Variants in TARS3 observed in about 807,000 individuals in gnomAD.
The protein encoded by TARS3 is threonine--tRNA ligase 2, cytoplasmic.
Under a neutral mutation model 103.5 loss-of-function variants are expected in TARS3, and 94 were observed. The ratio of observed to expected loss-of-function variants is 0.91; its 90% CI spans 0.77 to 1.08. TARS3 has a LOEUF of 1.08. Ranked by LOEUF, TARS3 falls within the 50% of genes least tolerant of loss-of-function variation. The probability of loss-of-function intolerance (pLI) is 0.00; values close to 1 mark genes in which losing one functional copy is unlikely to be tolerated. For missense variants in TARS3, 952 were observed against 995.2 expected (o/e 0.96, Z 0.58); for synonymous variants, 416 against 355.4 (o/e 1.17, Z -1.92).
intron 16 of TARS3, among the ~76,000 whole-genome samples, chr15:101,659,162 G>T (rs1567321184): frequency 6.6e-6 from 1 of 152,208 alleles, no homozygotes; most frequent in Non-Finnish European, 1.5e-5. Context: ...GAATAAAAAA[G>T]ATGGCAGGGT....
At chr15:101,659,249 G>A (rs1897291476) in intron 16 of TARS3, among the ~76,000 whole-genome samples, 1 of 152,192 alleles carries the variant, frequency 6.6e-6, no homozygotes, top group Admixed American at 6.5e-5. Context: ...AAGGTGAAAG[G>A]ACATGCAAGG....
At chr15:101,688,443 T>A (rs1235806214) in intron 10 of TARS3, among the ~76,000 whole-genome samples, 1 of 152,102 alleles carries the variant, frequency 6.6e-6, no homozygotes. Context: ...ATCTGGAACA[T>A]TAAAAATCAT....
intron 12 of TARS3, among the ~76,000 whole-genome samples, chr15:101,683,053 ATCT>A (rs1898317855): frequency 6.6e-6 from 1 of 151,916 alleles, no homozygotes; most frequent in Admixed American, 6.5e-5. Flanking sequence ...AATTTTATTG[ATCT>A]TCTCAGAGAA....
intron 10 of TARS3, among the ~76,000 whole-genome samples, chr15:101,695,093 G>A (rs949594150): frequency 5.3e-5 from 8 of 152,104 alleles, no homozygotes; most frequent in Non-Finnish European, 1.2e-4. Flanking sequence ...TATATTATGT[G>A]TATTTTACCA....
intron 3 of TARS3, among the ~76,000 whole-genome samples, chr15:101,716,780 A>G (rs1278191307): frequency 2.0e-5 from 3 of 152,172 alleles, no homozygotes; most frequent in African/African-American, 7.2e-5. Flanking sequence ...TCCTACTAGC[A>G]GAGTTACAAG....
intron 15 of TARS3, among the ~76,000 whole-genome samples, chr15:101,669,460 T>C (rs1188662490): frequency 6.6e-6 from 1 of 152,174 alleles, no homozygotes; most frequent in Non-Finnish European, 1.5e-5. Flanking sequence ...ATGTACAGTG[T>C]TTATAATGTC....
intron 4 of TARS3, among the ~76,000 whole-genome samples, chr15:101,712,226 C>T (rs1899905697): frequency 6.6e-6 from 1 of 152,188 alleles, no homozygotes; most frequent in African/African-American, 2.4e-5. Context: ...CAGTGTGAAG[C>T]TGCTCTGCTG....
chr15:101,658,792 A>G (rs1292824480), intron 16 of TARS3, among the ~76,000 whole-genome samples: 1 of 152,028 alleles, frequency 6.6e-6, no homozygotes, highest in Non-Finnish European at 1.5e-5. Flanking sequence ...ACTTCTCTGT[A>G]TAACTTCTTT....
intron 17 of TARS3, 71 bp downstream of exon 17, chr15:101,657,714 A>T (rs1897240580): frequency 9.8e-7 from 1 of 1,021,064 alleles, no homozygotes; most frequent in East Asian, 2.7e-5. Flanking sequence ...AGCATGAAGG[A>T]CACTCCAAAT....
chr15:101,714,897 T>C lies in TARS3; in HGVS notation c.633A>G (p.Pro211=), dbSNP rs778067532. 3.3e-5 allele frequency: 54 copies of C among 1,612,982 alleles called. No individual in the cohort carries two copies. Among genetic ancestry groups the C allele is most frequent in the Middle Eastern group, 1.7e-4 (1 of 6,054 alleles). Residue 211 remains proline (P), a synonymous_variant, in exon 4 of 19, where the codon CCA becomes CCG. Transcript: ENST00000335968. ...GCTCTAGAGAAGAGTCCCCTTCCAATGGGCGGTCCAGGTCCCACAGTTCAC... is the reference window on the plus strand; with the variant it reads ...GCTCTAGAGAAGAGTCCCCTTCCAACGGGCGGTCCAGGTCCCACAGTTCAC... ...VNGELWDLDR[P]LEGDSSLELL...
intron 5 of TARS3, among the ~76,000 whole-genome samples, chr15:101,709,616 T>G (rs1899753876): frequency 6.6e-6 from 1 of 152,158 alleles, no homozygotes; most frequent in Non-Finnish European, 1.5e-5. Context: ...CTCCTACACC[T>G]GGCTGATGTT....
chr15:101,677,633 G>C (rs891620805), intron 12 of TARS3, among the ~76,000 whole-genome samples: 6 of 152,132 alleles, frequency 3.9e-5, no homozygotes, highest in African/African-American at 1.4e-4. Context: ...TGAGTAGCTG[G>C]GATTACAGGC....
rs548403642 is a variant in TARS3 at position 101,686,942 on chromosome 15, A to G, written c.1321-880T>C. 2.6e-5 allele frequency among the ~76,000 whole-genome samples: 4 copies of G among 152,124 alleles called. 1 individual carries two copies. Among genetic ancestry groups the G allele is most frequent in the African/African-American group, 7.2e-5 (3 of 41,470 alleles). On this transcript the variant is annotated intron_variant, in intron 10 of 18. Transcript: ENST00000335968. Reference sequence around the variant, plus strand: ...TTGAAAAACTGTTTTCACAGCTAAAAAAACATAAAACATAACATTTTAAGA... The same window carrying G: ...TTGAAAAACTGTTTTCACAGCTAAAGAAACATAAAACATAACATTTTAAGA...
intron 4 of TARS3, among the ~76,000 whole-genome samples, chr15:101,713,436 T>G (rs928272808): frequency 3.3e-5 from 5 of 152,168 alleles, no homozygotes; most frequent in Admixed American, 3.3e-4. Context: ...CACACATCAT[T>G]TGATAGCTCG....
intron 15 of TARS3, among the ~76,000 whole-genome samples, chr15:101,663,083 C>T (rs374746114): frequency 6.6e-6 from 1 of 152,080 alleles, no homozygotes; most frequent in East Asian, 1.9e-4. Context: ...AAACTTATAG[C>T]GTATGCTTAT....
At chr15:101,671,231 G>A (rs1291830335) in intron 15 of TARS3, among the ~76,000 whole-genome samples, 1 of 152,152 alleles carries the variant, frequency 6.6e-6, no homozygotes, top group Non-Finnish European at 1.5e-5. Context: ...CTCAGGGAGA[G>A]TCAGCAGCCT....
Position 101,654,248 on chromosome 15 carries a change from T to C in TARS3, c.*334A>G, listed in dbSNP as rs1897116867. 4.9e-6 allele frequency: 1 copy of C among 203,488 alleles called. No homozygotes were observed. Among genetic ancestry groups the C allele is most frequent in the South Asian group, 1.6e-4 (1 of 6,228 alleles). The allele number at this position is 203,488 out of a possible 1,614,324, so 12.6% of individuals were successfully genotyped here. On this transcript the variant is annotated 3_prime_UTR_variant, in exon 19 of 19. Transcript: ENST00000335968. The stretch of plus-strand genomic sequence containing the variant: ...TATTTAAAAAAAACTCTGCAGACTT[T>C]TATTTGAAGCCCATCTTTTGAAAAT...
At chr15:101,705,335 G>A (rs1026020932) in intron 7 of TARS3, among the ~76,000 whole-genome samples, 4 of 152,168 alleles carry the variant, frequency 2.6e-5, no homozygotes, top group African/African-American at 9.7e-5. Flanking sequence ...ATGAGGCAGA[G>A]AATCACTGCC....
Position 101,657,913 on chromosome 15 carries a change from C to G in TARS3, c.2073-56G>C, listed in dbSNP as rs1596278184. The G allele has an allele frequency of 2.3e-5, 25 of 1,104,896 alleles. No homozygotes were observed. In the East Asian group the frequency reaches 6.7e-4, roughly 30 times the overall value. The allele number at this position is 1,104,896 out of a possible 1,614,324, so 68.4% of individuals were successfully genotyped here. A position where few individuals can be genotyped will look rare whatever the true frequency, so the allele number is the denominator to read the frequency against. The stretch of plus-strand genomic sequence containing the variant: ...AAAGTGTAATAATGGCTACTTATTA[C>G]ATGATTTTCAAATAACCAAAGATTC... On this transcript the variant is annotated intron_variant, in intron 16 of 18. Coordinates refer to ENST00000335968, the MANE Select transcript of TARS3 (RefSeq NM_152334.3).
Sources: gnomAD v4.1 joint callset for allele counts (sites outside exome capture counted in the v4.1 genomes callset) on GRCh38, gnomAD v4.1.1 for gene constraint, MANE v1.5 for transcripts, NCBI Gene and HGNC (gene_info 2026-07-23, HGNC 2026-07-21) for gene names.